The following EXOC6B variants were observed in gnomAD, a reference collection of about 807,000 sequenced individuals.
EXOC6B encodes the protein SEC15 homolog B.
Under a neutral mutation model 113.5 loss-of-function variants are expected in EXOC6B, and 54 were observed. The ratio of observed to expected loss-of-function variants is 0.48; its 90% CI spans 0.38 to 0.60. The LOEUF is 0.60. Among genes scored for constraint, EXOC6B ranks in the 20% least tolerant of loss-of-function variants. The probability of loss-of-function intolerance (pLI) is 0.00; values close to 1 mark genes in which losing one functional copy is unlikely to be tolerated. For missense variants in EXOC6B, 797 were observed against 977.5 expected (o/e 0.82, Z 2.46); for synonymous variants, 357 against 339.0 (o/e 1.05, Z -0.58).
At chr2:72,425,554 C>T (rs1217893697) in intron 18 of EXOC6B, among the ~76,000 whole-genome samples, 1 of 152,044 alleles carries the variant, frequency 6.6e-6, no homozygotes, top group African/African-American at 2.4e-5. Flanking sequence ...TTAATATGAC[C>T]TTCCCTCCAA....
At chr2:72,207,879 C>A (rs76532947) in intron 20 of EXOC6B, among the ~76,000 whole-genome samples, 8,244 of 152,148 alleles carry the variant, frequency 0.054, 774 homozygotes, top group African/African-American at 0.19. Context: ...TTGAAAATCC[C>A]TGGAACACCT....
chr2:72,575,288 T>C (rs1355934081), intron 7 of EXOC6B, among the ~76,000 whole-genome samples: 1 of 152,162 alleles, frequency 6.6e-6, no homozygotes, highest in African/African-American at 2.4e-5. Flanking sequence ...ATTTAAAATT[T>C]GAATTCTCAA....
intron 1 of EXOC6B, among the ~76,000 whole-genome samples, chr2:72,750,069 C>T (rs1241705155): frequency 6.6e-6 from 1 of 151,824 alleles, no homozygotes; most frequent in Non-Finnish European, 1.5e-5. Flanking sequence ...CCTACACACA[C>T]ACAAACACAC....
At chr2:72,443,309 C>T (rs555619996) in intron 18 of EXOC6B, among the ~76,000 whole-genome samples, 28 of 133,154 alleles carry the variant, frequency 2.1e-4, no homozygotes, top group Admixed American at 9.0e-4. Flanking sequence ...GGTGACAGAG[C>T]GAGATTCTGT....
chr2:72,755,632 C>T (rs916007660), intron 1 of EXOC6B, among the ~76,000 whole-genome samples: 1 of 152,020 alleles, frequency 6.6e-6, no homozygotes, highest in East Asian at 1.9e-4. Context: ...AAGAAAGAAA[C>T]AGAGGAAGAA....
chr2:72,409,445 C>G (rs1260281406), intron 18 of EXOC6B, among the ~76,000 whole-genome samples: 1 of 151,820 alleles, frequency 6.6e-6, no homozygotes, highest in East Asian at 1.9e-4. Context: ...CTATTCACAA[C>G]AGCAAAGACT....
rs201696811 is a variant in EXOC6B, at chr2:72,407,293, G to C, written c.1981-27423C>G. ...CTGAATTCTACCAGAGGTACAAGGA[G>C]GAGCTGGTACCATTCCTTCTGAAAC... On this transcript the variant is annotated intron_variant, in intron 18 of 21. Coordinates refer to ENST00000272427, the MANE Select transcript of EXOC6B (RefSeq NM_015189.3). 1.1e-4 allele frequency among the ~76,000 whole-genome samples: 17 copies of C among 152,286 alleles called. No individual in the cohort carries two copies. In the East Asian group the frequency reaches 2.9e-3, roughly 26 times the overall value.
chr2:72,214,379 T>C (rs1680378077), intron 20 of EXOC6B, among the ~76,000 whole-genome samples: 1 of 151,560 alleles, frequency 6.6e-6, no homozygotes, highest in African/African-American at 2.4e-5. Context: ...TAGTCCCAGC[T>C]ACTCGGGAGG....
At chr2:72,770,417 T>TA (rs1683349386) in intron 1 of EXOC6B, among the ~76,000 whole-genome samples, 1 of 152,098 alleles carries the variant, frequency 6.6e-6, no homozygotes, top group South Asian at 2.1e-4. Context: ...TCTGTACATT[T>TA]AAAAAAAATA....
At chr2:72,307,096 A>C (rs539914143) in intron 20 of EXOC6B, among the ~76,000 whole-genome samples, 187 of 151,914 alleles carry the variant, frequency 1.2e-3, no homozygotes, top group African/African-American at 3.8e-3. Context: ...TTAAATACTC[A>C]AGTCTCATCA....
intron 6 of EXOC6B, among the ~76,000 whole-genome samples, chr2:72,688,737 C>G (rs1407222557): frequency 6.6e-6 from 1 of 152,196 alleles, no homozygotes; most frequent in Non-Finnish European, 1.5e-5. Context: ...GATAACTGAG[C>G]TAATCTGTGT....
chr2:72,363,726 C>G (rs1303214358), intron 19 of EXOC6B, among the ~76,000 whole-genome samples: 1 of 152,054 alleles, frequency 6.6e-6, no homozygotes, highest in Non-Finnish European at 1.5e-5. Flanking sequence ...CAAACCCTCT[C>G]ATCTTTATAT....
intron 19 of EXOC6B, among the ~76,000 whole-genome samples, chr2:72,358,747 T>C (rs1690119274): frequency 6.6e-6 from 1 of 152,170 alleles, no homozygotes; most frequent in Non-Finnish European, 1.5e-5. Flanking sequence ...TCCAAATTTG[T>C]GGTAGGATGT....
At position 72,695,068 on chromosome 2, in the gene EXOC6B, G is replaced by A. The variant is rs1468517087; in HGVS notation, c.669+23035C>T. On this transcript the variant is annotated intron_variant, in intron 6 of 21. Coordinates refer to ENST00000272427, the MANE Select transcript of EXOC6B (RefSeq NM_015189.3). ...CTGAACCAGGAGAACTGTCAACACA[G>A]GCACACTGCCAACCAGGGGAGAGGT... 2.0e-5 allele frequency among the ~76,000 whole-genome samples: 3 copies of A among 152,166 alleles called. No homozygotes were observed. The East Asian group carries it at 5.8e-4, about 29-fold the overall frequency.
chr2:72,533,153 C>T (rs758087703), intron 8 of EXOC6B, among the ~76,000 whole-genome samples: 6 of 152,130 alleles, frequency 3.9e-5, no homozygotes, highest in Non-Finnish European at 5.9e-5. Context: ...ACAAACTGCA[C>T]AATAACCTGG....
intron 6 of EXOC6B, among the ~76,000 whole-genome samples, chr2:72,693,026 G>C (rs1677611884): frequency 6.6e-6 from 1 of 152,172 alleles, no homozygotes; most frequent in Non-Finnish European, 1.5e-5. Context: ...CTTTGTGACT[G>C]AAACACTGAG....
At chr2:72,210,836 C>T (rs1319991989) in intron 20 of EXOC6B, among the ~76,000 whole-genome samples, 1 of 152,230 alleles carries the variant, frequency 6.6e-6, no homozygotes, top group Non-Finnish European at 1.5e-5. Context: ...GCAAAGCACA[C>T]ATACATCCCA....
At chr2:72,519,175 T>C (rs1488199177) in intron 8 of EXOC6B, among the ~76,000 whole-genome samples, 1 of 152,218 alleles carries the variant, frequency 6.6e-6, no homozygotes, top group East Asian at 1.9e-4. Context: ...TTGAGTTGCC[T>C]AATGCACATG....
chr2:72,513,268 A>C lies in EXOC6B; in HGVS notation c.1047-16T>G, dbSNP rs770044685. 1 of 1,612,266 alleles carries C rather than the reference A, an allele frequency of 6.2e-7. No homozygotes were observed. Among genetic ancestry groups the C allele is most frequent in the Non-Finnish European group, 8.5e-7 (1 of 1,178,912 alleles). On this transcript the variant is annotated splice_polypyrimidine_tract_variant and intron_variant, in intron 10 of 21. Transcript: ENST00000272427. The stretch of plus-strand genomic sequence containing the variant: ...CACAAAAAAGCTAAGATTGAGGAAA[A>C]AAGAAAGCACAGCTGTCAGAAATTA...
Sources: gnomAD v4.1 joint callset for allele counts (sites outside exome capture counted in the v4.1 genomes callset) on GRCh38, gnomAD v4.1.1 for gene constraint, MANE v1.5 for transcripts, NCBI Gene and HGNC (gene_info 2026-07-23, HGNC 2026-07-21) for gene names.